TAF1: variants seen among roughly 807,000 people sequenced by gnomAD.
The protein encoded by TAF1 is TATA-box binding protein associated factor 1.
A neutral mutation model predicts 138.5 loss-of-function variants in TAF1; 2 were observed. That is an observed-to-expected ratio of 0.01 (90% CI 0.01 to 0.05). The LOEUF is 0.05. TAF1 is among the 10% of genes least tolerant of loss of function. TAF1 has a pLI of 1.00. For missense variants in TAF1, 709 were observed against 1,478.0 expected (o/e 0.48, Z 8.53); for synonymous variants, 437 against 503.2 (o/e 0.87, Z 1.76).
chrX:71,527,386 CAAA>C (rs397952861), intron 13 of TAF1, among the ~76,000 whole-genome samples: 2 of 43,501 alleles, frequency 4.6e-5, no homozygotes. Flanking sequence ...AACTCCGTCT[CAAA>C]AAAAAAAAAA....
chrX:71,458,367 G>C lies in TAF1; in HGVS notation c.5064+1G>C. On this transcript the variant is annotated splice_donor_variant, in intron 35 of 37. Coordinates refer to ENST00000423759, the MANE Select transcript of TAF1 (RefSeq NM_004606.5). LOFTEE classifies it high-confidence loss of function. ...CACTCCAGAAAAGCAGGTAACACAG[G>C]TAGGATGTTCTTTTTCTCTTTATAA... 1 of 1,209,557 alleles carries C rather than the reference G, an allele frequency of 8.3e-7. No homozygotes were observed. Among genetic ancestry groups the C allele is most frequent in the Non-Finnish European group, 1.1e-6 (1 of 894,614 alleles).
chrX:71,467,680 T>C (rs1367363924), downstream of TAF1, among the ~76,000 whole-genome samples: 3 of 111,935 alleles, frequency 2.7e-5, no homozygotes, highest in African/African-American at 9.7e-5. Flanking sequence ...TAGTCTCCCT[T>C]AATCCTCACA....
chrX:71,427,897 C>T (rs1214738092), intron 32 of TAF1, among the ~76,000 whole-genome samples: 1 of 102,088 alleles, frequency 9.8e-6, no homozygotes, highest in Middle Eastern at 5.2e-3. Context: ...CGAGATAGTG[C>T]CACTGCACTC....
intron 10 of TAF1, 28 bp from the exon 11 acceptor site, chrX:71,382,733 C>G: frequency 8.3e-7 from 1 of 1,203,366 alleles, no homozygotes; most frequent in East Asian, 3.0e-5. Flanking sequence ...ATAGTCTGAC[C>G]GAGATTTGTT....
At chrX:71,384,443 GCT>G (rs1343727162) in intron 13 of TAF1, among the ~76,000 whole-genome samples, 1 of 100,766 alleles carries the variant, frequency 9.9e-6, no homozygotes, top group Non-Finnish European at 2.0e-5. Context: ...ACTGAATCTT[GCT>G]CTTTTGCCAG....
At chrX:71,390,317 C>T (rs2034483160) in intron 18 of TAF1, among the ~76,000 whole-genome samples, 1 of 111,781 alleles carries the variant, frequency 8.9e-6, no homozygotes, top group Non-Finnish European at 1.9e-5. Context: ...TACCGAAGTT[C>T]ATTCAGTTTC....
At chrX:71,459,528 T>G (rs768216141) in intron 35 of TAF1, 24 bp from the exon 36 acceptor site, 1 of 1,208,655 alleles carries the variant, frequency 8.3e-7, no homozygotes, top group Non-Finnish European at 1.1e-6. Context: ...GATAGGACTT[T>G]GACCCCCAAC....
chrX:71,381,924 A>T lies in TAF1; in HGVS notation c.1537+5A>T. 8.8e-7 allele frequency: 1 copy of T among 1,134,357 alleles called. No homozygotes were observed. Among genetic ancestry groups the T allele is most frequent in the Non-Finnish European group, 1.2e-6 (1 of 858,738 alleles). The allele number at this position is 1,134,357 out of a possible 1,213,427, so 93.5% of individuals were successfully genotyped here. A position where few individuals can be genotyped will look rare whatever the true frequency, so the allele number is the denominator to read the frequency against. ...ATGATGAGAACCTCATTTTGGGTATATTACTGGCAGAGGCCAGTGTTTCTT... is the reference window on the plus strand; with the variant it reads ...ATGATGAGAACCTCATTTTGGGTATTTTACTGGCAGAGGCCAGTGTTTCTT... On this transcript the variant is annotated splice_donor_5th_base_variant and intron_variant, in intron 9 of 37. Transcript: ENST00000423759.
chrX:71,471,106 A>G (rs1233941150), intron 13 of TAF1, among the ~76,000 whole-genome samples: 2 of 108,421 alleles, frequency 1.8e-5, no homozygotes, highest in African/African-American at 6.7e-5. Flanking sequence ...TCACGATGTC[A>G]AGAGATTGAG....
intron 33 of TAF1, 131 bp downstream of exon 33, chrX:71,454,368 G>A: frequency 1.8e-6 from 1 of 542,996 alleles, no homozygotes; most frequent in Admixed American, 3.9e-5. Context: ...ACTCGTCTGA[G>A]GTAGGAGAAT....
chrX:71,460,422 A>T (rs2038500661), intron 36 of TAF1, among the ~76,000 whole-genome samples: 1 of 112,141 alleles, frequency 8.9e-6, no homozygotes, highest in South Asian at 3.7e-4. Context: ...GGAAAAGGAA[A>T]TTGTTATTTG....
chrX:71,452,998 C>T (rs2038098372), intron 32 of TAF1, among the ~76,000 whole-genome samples: 1 of 111,177 alleles, frequency 9.0e-6, no homozygotes, highest in Non-Finnish European at 1.9e-5. Flanking sequence ...TGCAGTGAGC[C>T]GAGATGGCAG....
At chrX:71,402,702 A>C (rs767817558) in intron 25 of TAF1, among the ~76,000 whole-genome samples, 2 of 112,253 alleles carry the variant, frequency 1.8e-5, no homozygotes, top group African/African-American at 6.5e-5. Context: ...ACCTACAGAA[A>C]AGTTGAAAGA....
intron 32 of TAF1, among the ~76,000 whole-genome samples, chrX:71,433,588 G>A (rs1308185909): frequency 9.0e-6 from 1 of 111,208 alleles, no homozygotes; most frequent in Non-Finnish European, 1.9e-5. Context: ...AATTTTTCAA[G>A]AGAAGCTGAA....
chrX:71,369,340 C>T (rs971658370), intron 3 of TAF1, among the ~76,000 whole-genome samples: 11 of 111,357 alleles, frequency 9.9e-5, no homozygotes, highest in Admixed American at 2.9e-4. Flanking sequence ...ATGTTTTTTT[C>T]CTCTCTGGTA....
At chrX:71,386,155 C>T (rs1208568394) in intron 14 of TAF1, among the ~76,000 whole-genome samples, 1 of 105,499 alleles carries the variant, frequency 9.5e-6, no homozygotes, top group Non-Finnish European at 1.9e-5. Context: ...GAGCGAAACT[C>T]CATCTCAAAA....
intron 13 of TAF1, among the ~76,000 whole-genome samples, chrX:71,483,585 TCAAACAAA>T (rs772139687): frequency 5.6e-5 from 6 of 107,301 alleles, no homozygotes; most frequent in Non-Finnish European, 1.2e-4. Flanking sequence ...AGACTCTGTC[TCAAACAAA>T]CAAACAAACA....
intron 28 of TAF1, among the ~76,000 whole-genome samples, chrX:71,410,399 TA>T (rs1362941177): frequency 3.7e-4 from 35 of 95,594 alleles, no homozygotes; most frequent in Non-Finnish European, 3.4e-4. Flanking sequence ...GCACATGTAC[TA>T]AAAAAAAAAA....
chrX:71,481,750 G>A (rs752216904), intron 13 of TAF1, among the ~76,000 whole-genome samples: 7 of 110,665 alleles, frequency 6.3e-5, no homozygotes, highest in Non-Finnish European at 1.1e-4. Context: ...GTAGAGGCGG[G>A]GTCTCACCGT....
Sources: allele counts gnomAD v4.1 joint callset (sites outside exome capture counted in the v4.1 genomes callset), GRCh38; gene constraint gnomAD v4.1.1; transcripts MANE v1.5; gene names NCBI Gene and HGNC (gene_info 2026-07-23, HGNC 2026-07-21).